The following ATRNL1 variants were observed in gnomAD, a reference collection of about 807,000 sequenced individuals.
The protein encoded by ATRNL1 is attractin-like protein 1.
ATRNL1 carries 95 observed loss-of-function variants against 182.7 expected under a neutral mutation model. The observed-to-expected ratio is 0.52, with a 90% CI of 0.44 to 0.62. ATRNL1 has a LOEUF of 0.62. Among genes scored for constraint, ATRNL1 ranks in the 20% least tolerant of loss-of-function variants. ATRNL1 has a pLI of 0.00. For missense variants in ATRNL1, 1,471 were observed against 1,679.5 expected (o/e 0.88, Z 2.17); for synonymous variants, 576 against 568.3 (o/e 1.01, Z -0.19).
chr10:115,886,476 T>C (rs566701977), intron 28 of ATRNL1, among the ~76,000 whole-genome samples: 53 of 152,266 alleles, frequency 3.5e-4, no homozygotes, highest in African/African-American at 1.2e-3. Context: ...ATCGCACCAT[T>C]GCACTCCAGC....
intron 20 of ATRNL1, among the ~76,000 whole-genome samples, chr10:115,424,341 A>G (rs192007159): frequency 8.5e-5 from 13 of 152,344 alleles, no homozygotes; most frequent in Admixed American, 7.8e-4. Context: ...GGAAATGCAC[A>G]TTAATACAGC....
intron 21 of ATRNL1, among the ~76,000 whole-genome samples, chr10:115,446,192 T>A (rs1846977624): frequency 6.6e-6 from 1 of 152,130 alleles, no homozygotes; most frequent in Admixed American, 6.5e-5. Flanking sequence ...TAGTCATGCA[T>A]ACACTGAATT....
Position 115,741,825 on chromosome 10 carries a change from G to A in ATRNL1, c.3903+14470G>A, listed in dbSNP as rs541173570. Among the ~76,000 whole-genome samples, 26 of 152,290 alleles carry A rather than the reference G, an allele frequency of 1.7e-4. No homozygotes were observed. The South Asian group carries it at 5.2e-3, about 30-fold the overall frequency. ...TTCATATGTACTTGAACTCATGGGA[G>A]TGAGAAAAGAGAATTGAAGGTAGAA... On this transcript the variant is annotated intron_variant, in intron 27 of 28. Coordinates refer to ENST00000355044, the MANE Select transcript of ATRNL1 (RefSeq NM_207303.4).
At chr10:115,191,267 A>G (rs1470879699) in intron 8 of ATRNL1, among the ~76,000 whole-genome samples, 2 of 151,924 alleles carry the variant, frequency 1.3e-5, no homozygotes, top group Non-Finnish European at 2.9e-5. Context: ...TGGTAGTTCT[A>G]TTTTTAGTTT....
At chr10:115,242,774 A>C (rs1260021061) in intron 10 of ATRNL1, among the ~76,000 whole-genome samples, 1 of 152,074 alleles carries the variant, frequency 6.6e-6, no homozygotes, top group Non-Finnish European at 1.5e-5. Flanking sequence ...TGGTTTTTAA[A>C]TCTAAGTAAT....
intron 27 of ATRNL1, among the ~76,000 whole-genome samples, chr10:115,795,420 C>T (rs1329453287): frequency 1.3e-5 from 2 of 152,104 alleles, no homozygotes; most frequent in South Asian, 2.1e-4. Flanking sequence ...ATAAAGCCTC[C>T]TTTTATGTGA....
At chr10:115,352,969 A>G (rs1856331549) in intron 19 of ATRNL1, among the ~76,000 whole-genome samples, 1 of 152,170 alleles carries the variant, frequency 6.6e-6, no homozygotes, top group South Asian at 2.1e-4. Flanking sequence ...TGTTGAGACT[A>G]TCTTCCTGGC....
intron 26 of ATRNL1, among the ~76,000 whole-genome samples, chr10:115,648,607 A>C (rs1555033425): frequency 6.6e-6 from 1 of 152,262 alleles, no homozygotes. Context: ...CAAAACAGAG[A>C]TATAGACCAA....
intron 17 of ATRNL1, among the ~76,000 whole-genome samples, chr10:115,311,712 C>G (rs1309281987): frequency 6.6e-6 from 1 of 152,088 alleles, no homozygotes; most frequent in Non-Finnish European, 1.5e-5. Flanking sequence ...TGTTGAAGTC[C>G]TCCACCATTA....
intron 9 of ATRNL1, among the ~76,000 whole-genome samples, chr10:115,237,444 A>G (rs577207790): frequency 6.6e-6 from 1 of 152,246 alleles, no homozygotes; most frequent in African/African-American, 2.4e-5. Flanking sequence ...GTGTAGTGGT[A>G]TTTCACTGTT....
At chr10:115,369,365 G>C (rs797034341) in intron 19 of ATRNL1, among the ~76,000 whole-genome samples, 10 of 152,028 alleles carry the variant, frequency 6.6e-5, no homozygotes, top group African/African-American at 2.4e-4. Context: ...ATTCTGTGAA[G>C]GCGATGGGAT....
At chr10:115,453,361 C>T (rs1464747458) in intron 21 of ATRNL1, among the ~76,000 whole-genome samples, 2 of 151,944 alleles carry the variant, frequency 1.3e-5, no homozygotes, top group Non-Finnish European at 2.9e-5. Context: ...GTCTCTTTGC[C>T]CAGTTTTAAT....
At chr10:115,403,622 T>C (rs1844685171) in intron 20 of ATRNL1, among the ~76,000 whole-genome samples, 1 of 151,806 alleles carries the variant, frequency 6.6e-6, no homozygotes, top group Non-Finnish European at 1.5e-5. Context: ...ACCCGGCTAA[T>C]TTTTGTATTT....
At chr10:115,262,647 G>A (rs947369183) in intron 10 of ATRNL1, among the ~76,000 whole-genome samples, 10 of 151,862 alleles carry the variant, frequency 6.6e-5, no homozygotes, top group Non-Finnish European at 1.3e-4. Context: ...AGCCAGCAAA[G>A]GATTAGTATC....
intron 26 of ATRNL1, among the ~76,000 whole-genome samples, chr10:115,571,734 T>A (rs1555003540): frequency 6.6e-6 from 1 of 152,126 alleles, no homozygotes; most frequent in Admixed American, 6.5e-5. Flanking sequence ...TTGCAGCTAT[T>A]ACCTTTATGA....
chr10:115,633,994 G>A (rs1205876316), intron 26 of ATRNL1, among the ~76,000 whole-genome samples: 1 of 151,982 alleles, frequency 6.6e-6, no homozygotes, highest in East Asian at 1.9e-4. Context: ...TACTATCACA[G>A]GGAAAAGAGG....
chr10:115,682,049 T>C (rs1946062654), intron 26 of ATRNL1, among the ~76,000 whole-genome samples: 1 of 152,148 alleles, frequency 6.6e-6, no homozygotes, highest in South Asian at 2.1e-4. Flanking sequence ...GTTTTAGACT[T>C]GATAGAGGTC....
intron 28 of ATRNL1, among the ~76,000 whole-genome samples, chr10:115,848,674 A>T (rs1387710568): frequency 6.6e-6 from 1 of 152,202 alleles, no homozygotes; most frequent in Admixed American, 6.5e-5. Context: ...CATTCTAAGC[A>T]TGCTCAATGT....
chr10:115,407,995 T>C (rs1297605609), intron 20 of ATRNL1, among the ~76,000 whole-genome samples: 4 of 74,150 alleles, frequency 5.4e-5, no homozygotes, highest in Non-Finnish European at 1.5e-4. Flanking sequence ...CTTTTTTTTT[T>C]TTTTTTTTTT....
Sources: allele counts gnomAD v4.1 joint callset (sites outside exome capture counted in the v4.1 genomes callset), GRCh38; gene constraint gnomAD v4.1.1; transcripts MANE v1.5; gene names NCBI Gene and HGNC (gene_info 2026-07-23, HGNC 2026-07-21).